The following GRID1 variants were observed in gnomAD, a reference collection of about 807,000 sequenced individuals.
The protein encoded by GRID1 is glutamate receptor ionotropic, delta-1.
A neutral mutation model predicts 98.0 loss-of-function variants in GRID1; 28 were observed. That is an observed-to-expected ratio of 0.29 (90% CI 0.21 to 0.39). GRID1 has a LOEUF of 0.39. Among genes scored for constraint, GRID1 ranks in the 10% least tolerant of loss-of-function variants. GRID1 has a pLI of 1.00. For synonymous variants in GRID1, 553 were observed against 538.5 expected (o/e 1.03, Z -0.37); for missense variants, 1,111 against 1,340.5 (o/e 0.83, Z 2.67).
intron 2 of GRID1, among the ~76,000 whole-genome samples, chr10:86,306,959 T>C (rs1008282596): frequency 4.6e-5 from 7 of 152,204 alleles, no homozygotes; most frequent in Non-Finnish European, 7.3e-5. Flanking sequence ...GTGTAAACAG[T>C]TGTGTCGCCC....
Position 86,366,638 on chromosome 10 carries a change from G to T in GRID1, c.-246C>A. On this transcript the variant is annotated 5_prime_UTR_variant, in exon 1 of 16. Transcript: ENST00000327946. The surrounding 1 kb of genome is among the most constrained non-coding windows in gnomAD (Gnocchi z 4.1). Reference sequence around the variant, plus strand: ...GGCTGCGGCGGTGCTGGCAGCTTGAGCCCAGGCCGGCGCGGCGGGGGCGGC... The same window carrying T: ...GGCTGCGGCGGTGCTGGCAGCTTGATCCCAGGCCGGCGCGGCGGGGGCGGC... The T allele has an allele frequency of 6.4e-6, 1 of 155,222 alleles. No individual in the cohort carries two copies. The highest frequency in any genetic ancestry group is 2.4e-5 in the African/African-American group (1 of 41,206). 9.6% of individuals were successfully genotyped at this position (155,222 alleles called of 1,614,324 possible).
At chr10:85,980,990 C>A (rs1402090792) in intron 4 of GRID1, among the ~76,000 whole-genome samples, 1 of 152,230 alleles carries the variant, frequency 6.6e-6, no homozygotes, top group East Asian at 1.9e-4. Flanking sequence ...TATCTCTTGC[C>A]TTCCTCCCAG....
At chr10:85,776,176 G>T (rs1292526859) in intron 8 of GRID1, among the ~76,000 whole-genome samples, 1 of 152,080 alleles carries the variant, frequency 6.6e-6, no homozygotes, top group Non-Finnish European at 1.5e-5. Flanking sequence ...GGAAATGGTT[G>T]GTGTAAGGCC....
At chr10:85,755,556 A>T (rs1450137560) in intron 8 of GRID1, among the ~76,000 whole-genome samples, 1 of 152,044 alleles carries the variant, frequency 6.6e-6, no homozygotes, top group African/African-American at 2.4e-5. Flanking sequence ...AAAGCAAAGG[A>T]CTCTTCTGAA....
intron 2 of GRID1, among the ~76,000 whole-genome samples, chr10:86,247,718 T>G (rs1223322340): frequency 6.6e-6 from 1 of 151,974 alleles, no homozygotes; most frequent in Non-Finnish European, 1.5e-5. Flanking sequence ...TGCCAAGGAA[T>G]GTGGGAACAA....
intron 12 of GRID1, among the ~76,000 whole-genome samples, chr10:85,711,387 T>C (rs1189008274): frequency 2.0e-5 from 3 of 151,892 alleles, no homozygotes; most frequent in African/African-American, 4.8e-5. Context: ...TAAAAAACAA[T>C]TGCCATATAA....
intron 12 of GRID1, among the ~76,000 whole-genome samples, chr10:85,651,136 A>G (rs1843263415): frequency 6.6e-6 from 1 of 152,216 alleles, no homozygotes; most frequent in South Asian, 2.1e-4. Context: ...GGCAAGTTCT[A>G]TAATCTCTGA....
chr10:86,027,688 T>A (rs1418541509), intron 4 of GRID1, among the ~76,000 whole-genome samples: 3 of 152,208 alleles, frequency 2.0e-5, no homozygotes, highest in Non-Finnish European at 2.9e-5. Flanking sequence ...TGAGACCAAG[T>A]TTCCTTCAGG....
intron 12 of GRID1, among the ~76,000 whole-genome samples, chr10:85,689,211 C>A (rs1367103109): frequency 3.3e-5 from 5 of 152,092 alleles, no homozygotes; most frequent in Admixed American, 3.3e-4. Flanking sequence ...AGCAAATGTG[C>A]CATTTCTTTA....
At chr10:85,880,699 T>A (rs1840994150) in intron 5 of GRID1, among the ~76,000 whole-genome samples, 1 of 152,058 alleles carries the variant, frequency 6.6e-6, no homozygotes, top group Admixed American at 6.6e-5. Context: ...AGCATTCCCT[T>A]TGAAAACTGG....
At chr10:85,653,394 G>A (rs979433492) in intron 12 of GRID1, among the ~76,000 whole-genome samples, 1 of 151,256 alleles carries the variant, frequency 6.6e-6, no homozygotes, top group Non-Finnish European at 1.5e-5. Flanking sequence ...TGGACTAAGA[G>A]GAGCAGAGAG....
chr10:85,638,767 A>G (rs1476102976), intron 13 of GRID1, among the ~76,000 whole-genome samples: 1 of 152,234 alleles, frequency 6.6e-6, no homozygotes, highest in Non-Finnish European at 1.5e-5. Context: ...AAATATTAAC[A>G]AAAGACTTAA....
intron 12 of GRID1, among the ~76,000 whole-genome samples, chr10:85,694,964 T>A (rs1374615563): frequency 6.6e-6 from 1 of 151,638 alleles, no homozygotes; most frequent in Non-Finnish European, 1.5e-5. Context: ...TTAATACAAA[T>A]AAAAAATAAT....
Position 85,916,158 on chromosome 10 carries a change from G to A in GRID1, c.780+28C>T, listed in dbSNP as rs373086056. 35 of 1,567,836 alleles carry A rather than the reference G, an allele frequency of 2.2e-5. No homozygotes were observed. The highest frequency in any genetic ancestry group is 6.8e-5 in the African/African-American group (5 of 74,026). ...AGGGGCTAGGGGCTCAGTCCAGGCC[G>A]TGCTCATCACATTTCTAGAGCCCTT... On this transcript the variant is annotated intron_variant, in intron 5 of 15. Transcript: ENST00000327946. The surrounding 1 kb of genome is among the most constrained non-coding windows in gnomAD (Gnocchi z 4.0).
intron 12 of GRID1, among the ~76,000 whole-genome samples, chr10:85,663,916 C>T (rs1044747187): frequency 2.0e-5 from 3 of 152,184 alleles, no homozygotes; most frequent in South Asian, 4.1e-4. Flanking sequence ...ATTGAATGTG[C>T]TCTATACTCC....
At chr10:86,074,412 C>T (rs1388947802) in intron 4 of GRID1, among the ~76,000 whole-genome samples, 3 of 152,178 alleles carry the variant, frequency 2.0e-5, no homozygotes, top group African/African-American at 7.2e-5. Context: ...TAAATGAGAA[C>T]ATGTGATATT....
intron 13 of GRID1, among the ~76,000 whole-genome samples, chr10:85,623,209 C>T (rs1280568837): frequency 6.6e-6 from 1 of 152,208 alleles, no homozygotes; most frequent in African/African-American, 2.4e-5. Context: ...CCAGAACTTT[C>T]TGGACTTGCA....
chr10:85,865,955 GGAGAGAGAGAGAGAGA>G (rs11468652), intron 6 of GRID1, among the ~76,000 whole-genome samples: 3,765 of 84,678 alleles, frequency 0.044, 210 homozygotes, highest in African/African-American at 0.086. Flanking sequence ...ACATATATAT[GGAGAGAGAGAGAGAGA>G]GAGAGAGAGA....
intron 2 of GRID1, among the ~76,000 whole-genome samples, chr10:86,279,545 A>C (rs1300489009): frequency 6.6e-6 from 1 of 152,222 alleles, no homozygotes; most frequent in Non-Finnish European, 1.5e-5. Context: ...GCATTTGACT[A>C]TTCCGAAATC....
Sources: gnomAD v4.1 joint callset for allele counts (sites outside exome capture counted in the v4.1 genomes callset) on GRCh38, gnomAD v4.1.1 for gene constraint, Gnocchi (gnomAD v3.1) non-coding constraint, MANE v1.5 for transcripts, NCBI Gene and HGNC (gene_info 2026-07-23, HGNC 2026-07-21) for gene names.